The following FGD4 variants were observed in gnomAD, a reference collection of about 807,000 sequenced individuals.
The protein encoded by FGD4 is FYVE, RhoGEF and PH domain-containing protein 4.
In FGD4, 42 loss-of-function variants were observed where a neutral mutation model predicts 102.0. That is an observed-to-expected ratio of 0.41 (90% CI 0.32 to 0.53). The LOEUF (loss-of-function observed/expected upper bound fraction) is 0.53, where lower values mean the gene tolerates loss of function less well. Ranked by LOEUF, FGD4 falls within the 20% of genes least tolerant of loss-of-function variation. The probability of loss-of-function intolerance (pLI) is 0.21; values close to 1 mark genes in which losing one functional copy is unlikely to be tolerated. For synonymous variants in FGD4, 380 were observed against 375.7 expected, an observed-to-expected ratio of 1.01 and a Z score of -0.13; for missense variants, 902 against 1,078.2, an observed-to-expected ratio of 0.84 and a Z score of 2.29.
intron 1 of FGD4, among the ~76,000 whole-genome samples, chr12:32,510,113 A>G (rs1442766835): frequency 6.6e-6 from 1 of 152,368 alleles, no homozygotes; most frequent in Non-Finnish European, 1.5e-5. Context: ...TTTCACACCC[A>G]TAATTCCAAT....
intron 1 of FGD4, among the ~76,000 whole-genome samples, chr12:32,551,957 G>A (rs1315692833): frequency 3.3e-5 from 5 of 152,172 alleles, no homozygotes; most frequent in Admixed American, 1.3e-4. Flanking sequence ...AGTAACACGA[G>A]GTGTTTTAAT....
rs2136769839 is a variant in FGD4 at position 32,611,301 on chromosome 12, G to C, written c.1749+18G>C. 6.2e-7 allele frequency: 1 copy of C among 1,613,932 alleles called. No individual in the cohort carries two copies. Among genetic ancestry groups the C allele is most frequent in the Admixed American group, 1.7e-5 (1 of 60,016 alleles). ...TTTTCTTAGTGAGTATTATAGTGTT[G>C]GCAAGTCATATAAGAATTATATATA... On this transcript the variant is annotated intron_variant, in intron 10 of 16. Coordinates refer to ENST00000534526, the MANE Select transcript of FGD4 (RefSeq NM_001370298.3).
In FGD4 at chr12:32,607,832, C is replaced by G. The variant is rs924594323; in HGVS notation, c.1405-125C>G. The G allele has an allele frequency of 9.8e-5, 96 of 984,426 alleles. No homozygotes were observed. In the Admixed American group the frequency reaches 1.8e-3, roughly 18 times the overall value. 61.0% of individuals were successfully genotyped at this position (984,426 alleles called of 1,614,324 possible). ...CCTGGCCAGAAATCTGCATTTCATG[C>G]AGGTGATGGACAGTCACACTTTGTC... On this transcript the variant is annotated intron_variant, in intron 7 of 16. Coordinates refer to ENST00000534526, the MANE Select transcript of FGD4 (RefSeq NM_001370298.3).
At chr12:32,629,255 C>T (rs1464868035) in intron 14 of FGD4, among the ~76,000 whole-genome samples, 2 of 152,128 alleles carry the variant, frequency 1.3e-5, no homozygotes, top group Non-Finnish European at 2.9e-5. Flanking sequence ...TCAGGAATGA[C>T]TTTAATGTTA....
At chr12:32,423,589 C>CT (rs1252190039) in intron 1 of FGD4, among the ~76,000 whole-genome samples, 1 of 102,126 alleles carries the variant, frequency 9.8e-6, no homozygotes, top group East Asian at 2.6e-4. Flanking sequence ...GAGACTTCAT[C>CT]TCAAAAAAAA....
chr12:32,638,525 A>ACATTTTAACATGGAAAATATTTAAG, intron 15 of FGD4, 130 bp from the exon 16 acceptor site: 1 of 1,247,452 alleles, frequency 8.0e-7, no homozygotes, highest in Non-Finnish European at 1.1e-6. Context: ...AAATGTTTAA[A>ACATTTTAACATGGAAAATATTTAAG]CAATAATTGC....
At chr12:32,586,746 TC>T (rs1947072342) in intron 4 of FGD4, among the ~76,000 whole-genome samples, 1 of 152,154 alleles carries the variant, frequency 6.6e-6, no homozygotes, top group Non-Finnish European at 1.5e-5. Context: ...TAAGTCAGGT[TC>T]AACTCCTAGG....
chr12:32,436,369 G>A (rs1253521110), intron 1 of FGD4, among the ~76,000 whole-genome samples: 1 of 152,186 alleles, frequency 6.6e-6, no homozygotes, highest in African/African-American at 2.4e-5. Context: ...GGCACAAGGA[G>A]ACAAAAGGCT....
At chr12:32,581,805 T>C (rs1275320036) in intron 3 of FGD4, 155 bp from the exon 4 acceptor site, 1 of 763,604 alleles carries the variant, frequency 1.3e-6, no homozygotes, top group African/African-American at 1.8e-5. Context: ...GAGACTTGGG[T>C]CTACACTAAG....
intron 1 of FGD4, among the ~76,000 whole-genome samples, chr12:32,454,676 G>T (rs1942902939): frequency 6.6e-6 from 1 of 152,120 alleles, no homozygotes; most frequent in African/African-American, 2.4e-5. Flanking sequence ...GTTTGTCTTT[G>T]ATTGTAGTAG....
chr12:32,625,550 C>G lies in FGD4; in HGVS notation c.2047-104C>G, dbSNP rs77857121. 3,167 of 1,412,076 alleles carry G rather than the reference C, an allele frequency of 2.2e-3. 54 individuals carry two copies. The African/African-American group carries it at 0.041, about 18-fold the overall frequency. 87.5% of individuals were successfully genotyped at this position (1,412,076 alleles called of 1,614,324 possible). On this transcript the variant is annotated intron_variant, in intron 13 of 16. Transcript: ENST00000534526. The stretch of plus-strand genomic sequence containing the variant: ...TTCCGAAAGTGCTGGGATTATAGTT[C>G]AGAACATGGTTTGAGCAATGTAGTT...
In FGD4 at chr12:32,420,170, T is replaced by C. The variant is rs1048866007; in HGVS notation, c.166+20211T>C. Among the ~76,000 whole-genome samples the C allele has an allele frequency of 3.3e-5, 5 of 152,310 alleles. No individual in the cohort carries two copies. The South Asian group carries it at 6.2e-4, about 19-fold the overall frequency. On this transcript the variant is annotated intron_variant, in intron 1 of 16. Coordinates refer to ENST00000534526, the MANE Select transcript of FGD4 (RefSeq NM_001370298.3). ...CTATTCCATCATCTTGCTCTGCCCCTGTGGCTGCTGCCTTAGTTCAGCATG... is the reference window on the plus strand; with the variant it reads ...CTATTCCATCATCTTGCTCTGCCCCCGTGGCTGCTGCCTTAGTTCAGCATG...
intron 1 of FGD4, among the ~76,000 whole-genome samples, chr12:32,400,875 A>G (rs1940634174): frequency 9.5e-6 from 1 of 105,332 alleles, no homozygotes; most frequent in Non-Finnish European, 1.9e-5. Context: ...GATAAATATT[A>G]GAGCTTTTAA....
At chr12:32,571,676 G>C (rs185257223) in intron 2 of FGD4, among the ~76,000 whole-genome samples, 1 of 152,298 alleles carries the variant, frequency 6.6e-6, no homozygotes, top group Non-Finnish European at 1.5e-5. Context: ...AGAGGTGGAA[G>C]AGTCAGATAA....
rs1375857598 is a variant in FGD4 at position 32,644,456 on chromosome 12, A to G, written c.*3923A>G. 2 of 152,222 alleles carry G rather than the reference A, an allele frequency of 1.3e-5. No homozygotes were observed. Among genetic ancestry groups the G allele is most frequent in the Non-Finnish European group, 2.9e-5 (2 of 68,028 alleles). The allele number at this position is 152,222 out of a possible 1,614,324, so 9.4% of individuals were successfully genotyped here. On this transcript the variant is annotated 3_prime_UTR_variant, in exon 17 of 17. Coordinates refer to ENST00000534526, the MANE Select transcript of FGD4 (RefSeq NM_001370298.3). ...ATTTGCAATTCTGTCTTTCCATAGA[A>G]ATGAACTTTTTCTATCGAAATTGTT...
In FGD4 at chr12:32,552,851, C is replaced by A. The variant is rs1943799258; in HGVS notation, c.167-11286C>A. On this transcript the variant is annotated intron_variant, in intron 1 of 16. Coordinates refer to ENST00000534526, the MANE Select transcript of FGD4 (RefSeq NM_001370298.3). ...GGAGTGCAATGGCGCGATCTTGGCT[C>A]ACCGCAACCTCCACCTCCTGGGTTC... 2.6e-5 allele frequency among the ~76,000 whole-genome samples: 4 copies of A among 151,166 alleles called. No homozygotes were observed. In the South Asian group the frequency reaches 8.4e-4, roughly 32 times the overall value.
intron 4 of FGD4, among the ~76,000 whole-genome samples, chr12:32,592,785 T>G (rs1947587472): frequency 6.6e-6 from 1 of 152,186 alleles, no homozygotes; most frequent in Non-Finnish European, 1.5e-5. Context: ...TATTATTACT[T>G]CAAAATGACT....
chr12:32,492,834 A>G (rs1424674411), intron 1 of FGD4, among the ~76,000 whole-genome samples: 1 of 152,200 alleles, frequency 6.6e-6, no homozygotes, highest in African/African-American at 2.4e-5. Context: ...TTTTTTAAAA[A>G]GCAATCTCAG....
rs757675242 is a variant in FGD4, at chr12:32,574,205, G to A, written c.320-2061G>A. The stretch of plus-strand genomic sequence containing the variant: ...TCTCATCTGGCACATAATAAATAAG[G>A]CATGTTTAAGTGAGTAAACTCTAGG... On this transcript the variant is annotated intron_variant, in intron 2 of 16. Coordinates refer to ENST00000534526, the MANE Select transcript of FGD4 (RefSeq NM_001370298.3). Among the ~76,000 whole-genome samples the A allele has an allele frequency of 5.3e-5, 8 of 152,220 alleles. No homozygotes were observed. In the South Asian group the frequency reaches 1.0e-3, roughly 20 times the overall value.
Sources: gnomAD v4.1 joint callset for allele counts (sites outside exome capture counted in the v4.1 genomes callset) on GRCh38, gnomAD v4.1.1 for gene constraint, MANE v1.5 for transcripts, NCBI Gene and HGNC (gene_info 2026-07-23, HGNC 2026-07-21) for gene names.